The following MAPK6 variants were observed in gnomAD, a reference collection of about 807,000 sequenced individuals.
MAPK6 encodes mitogen-activated protein kinase 6.
MAPK6 carries 19 observed loss-of-function variants against 59.3 expected under a neutral mutation model. The observed-to-expected ratio is 0.32, with a 90% CI of 0.22 to 0.47. The LOEUF (loss-of-function observed/expected upper bound fraction) is 0.47. Ranked by LOEUF, MAPK6 falls within the 20% of genes least tolerant of loss-of-function variation. The pLI, the probability that MAPK6 is intolerant of heterozygous loss-of-function variation, is 1.00. For missense variants in MAPK6, 724 were observed against 847.9 expected, an observed-to-expected ratio of 0.85 and a Z score of 1.81; for synonymous variants, 316 against 290.3, an observed-to-expected ratio of 1.09 and a Z score of -0.90.
chr15:52,037,777 C>T (rs962164102), intron 1 of MAPK6, among the ~76,000 whole-genome samples: 6 of 152,084 alleles, frequency 3.9e-5, no homozygotes, highest in East Asian at 1.9e-4. Flanking sequence ...CTGAAAAATT[C>T]GAGGATAGGA....
Position 52,066,603 on chromosome 15 carries a change from A to G in MAPK6, c.*1603A>G, listed in dbSNP as rs2032427784. ...TTCATCCTTGTTTTGTACAACACCA[A>G]TTCTATTAATATCTGCCCACCTACC... On this transcript the variant is annotated 3_prime_UTR_variant, in exon 6 of 6. Coordinates refer to ENST00000261845, the MANE Select transcript of MAPK6 (RefSeq NM_002748.4). 2 of 65,936 alleles carry G rather than the reference A, an allele frequency of 3.0e-5. No homozygotes were observed. The highest frequency in any genetic ancestry group is 1.3e-4 in the Non-Finnish European group (2 of 15,880). The allele number at this position is 65,936 out of a possible 1,614,324, so 4.1% of individuals were successfully genotyped here.
intron 2 of MAPK6, among the ~76,000 whole-genome samples, chr15:52,047,255 A>T (rs140362694): frequency 6.6e-6 from 1 of 152,304 alleles, no homozygotes; most frequent in African/African-American, 2.4e-5. Flanking sequence ...GTTATTTATT[A>T]TAAATGAAAT....
chr15:52,060,490 G>A (rs764840653), intron 4 of MAPK6, among the ~76,000 whole-genome samples: 13 of 152,190 alleles, frequency 8.5e-5, no homozygotes, highest in South Asian at 2.1e-4. Context: ...TTTGTAATGA[G>A]CCAGATATGG....
At chr15:52,059,654 T>G (rs2032119922) in intron 4 of MAPK6, among the ~76,000 whole-genome samples, 1 of 152,234 alleles carries the variant, frequency 6.6e-6, no homozygotes, top group Non-Finnish European at 1.5e-5. Context: ...TGAATCTTTT[T>G]CGTACCCTCA....
At chr15:52,036,968 T>A (rs2031263663) in intron 1 of MAPK6, among the ~76,000 whole-genome samples, 1 of 152,030 alleles carries the variant, frequency 6.6e-6, no homozygotes, top group Non-Finnish European at 1.5e-5. Flanking sequence ...GGAAGGATAT[T>A]CCAAAAAAAT....
chr15:51,987,885 CTT>C (rs2057196109), intron 2 of MAPK6, among the ~76,000 whole-genome samples: 1 of 151,288 alleles, frequency 6.6e-6, no homozygotes, highest in Non-Finnish European at 1.5e-5. Flanking sequence ...CCTGCCTCAG[CTT>C]CTGGAATAGC....
intron 3 of MAPK6, among the ~76,000 whole-genome samples, chr15:52,053,591 AT>A (rs1320818207): frequency 6.7e-4 from 1 of 1,496 alleles, no homozygotes; most frequent in African/African-American, 9.5e-4. Flanking sequence ...TTGAAACAAG[AT>A]TGATTGATTG....
intron 1 of MAPK6, among the ~76,000 whole-genome samples, chr15:52,028,415 C>T (rs952389018): frequency 6.6e-6 from 1 of 152,118 alleles, no homozygotes; most frequent in Non-Finnish European, 1.5e-5. Context: ...GGACTTACCT[C>T]GTTCTTGCCT....
intron 2 of MAPK6, among the ~76,000 whole-genome samples, chr15:51,995,070 G>GTC (rs1958252606): frequency 6.6e-6 from 1 of 152,238 alleles, no homozygotes; most frequent in African/African-American, 2.4e-5. Context: ...TTTGCAAGAA[G>GTC]TCTCTGAGTC....
At chr15:52,041,520 G>A (rs982767684) in intron 1 of MAPK6, among the ~76,000 whole-genome samples, 3 of 152,196 alleles carry the variant, frequency 2.0e-5, no homozygotes, top group Non-Finnish European at 4.4e-5. Flanking sequence ...ATGAAATTAA[G>A]CATGAAAGAT....
chr15:52,061,776 GAAA>G (rs954613430), intron 5 of MAPK6, among the ~76,000 whole-genome samples: 7 of 151,930 alleles, frequency 4.6e-5, no homozygotes, highest in African/African-American at 1.7e-4. Flanking sequence ...CCATCTCAAA[GAAA>G]AATTTAGTAA....
At chr15:52,058,563 G>C in intron 3 of MAPK6, 70 bp from the exon 4 acceptor site, 1 of 1,284,858 alleles carries the variant, frequency 7.8e-7, no homozygotes, top group East Asian at 2.6e-5. Flanking sequence ...ATTTAAATTA[G>C]TTTAGTATGT....
At chr15:52,020,417 G>A (rs115471948) in intron 1 of MAPK6, among the ~76,000 whole-genome samples, 2,136 of 151,210 alleles carry the variant, frequency 0.014, 60 homozygotes, top group African/African-American at 0.05. Flanking sequence ...ATTAACGGCA[G>A]AATTCGTGTT....
chr15:51,993,780 T>C (rs896725065), intron 2 of MAPK6, among the ~76,000 whole-genome samples: 1 of 151,384 alleles, frequency 6.6e-6, no homozygotes, highest in African/African-American at 2.4e-5. Context: ...GGTTTCTCTT[T>C]TCTTTCTTTT....
At chr15:52,005,485 C>G (rs2057255594) in intron 3 of MAPK6, among the ~76,000 whole-genome samples, 1 of 151,830 alleles carries the variant, frequency 6.6e-6, no homozygotes, top group Non-Finnish European at 1.5e-5. Flanking sequence ...CAAGATCGCA[C>G]CACTGCACTC....
intron 4 of MAPK6, among the ~76,000 whole-genome samples, chr15:52,059,863 C>T (rs1336570638): frequency 2.0e-5 from 3 of 152,170 alleles, no homozygotes; most frequent in African/African-American, 7.2e-5. Flanking sequence ...TTCTTCTTAA[C>T]AGTGGAGTTT....
intron 2 of MAPK6, 107 bp from the exon 3 acceptor site, chr15:52,049,886 T>G (rs1596000382): frequency 2.0e-6 from 2 of 1,025,128 alleles, no homozygotes; most frequent in East Asian, 4.9e-5. Flanking sequence ...ATGCTGGGAT[T>G]ACAGGCATGA....
chr15:51,979,657 G>T (rs1046392400), intron 1 of MAPK6, among the ~76,000 whole-genome samples: 1 of 151,762 alleles, frequency 6.6e-6, no homozygotes, highest in Non-Finnish European at 1.5e-5. Context: ...ACTGGATGTG[G>T]TGACATGTGC....
intron 3 of MAPK6, among the ~76,000 whole-genome samples, chr15:52,053,587 CAA>C: frequency 6.7e-6 from 1 of 150,358 alleles, no homozygotes; most frequent in Non-Finnish European, 1.5e-5. Flanking sequence ...TCTTTTGAAA[CAA>C]GATTGATTGA....
Sources: gnomAD v4.1 joint callset for allele counts (sites outside exome capture counted in the v4.1 genomes callset) on GRCh38, gnomAD v4.1.1 for gene constraint, MANE v1.5 for transcripts, NCBI Gene and HGNC (gene_info 2026-07-23, HGNC 2026-07-21) for gene names.